PSMD14: variants seen among roughly 807,000 people sequenced by gnomAD.
PSMD14 encodes ubiquitin C-terminal hydrolase PSMD14.
In PSMD14, 7 loss-of-function variants were observed where a neutral mutation model predicts 41.2. The observed-to-expected ratio is 0.17, with a 90% confidence interval of 0.10 to 0.32. The LOEUF is 0.32. Among genes scored for constraint, PSMD14 ranks in the 10% least tolerant of loss-of-function variants. The pLI is 1.00. For synonymous variants in PSMD14, 114 were observed against 122.3 expected, an observed-to-expected ratio of 0.93 and a Z score of 0.45; for missense variants, 139 against 375.6, an observed-to-expected ratio of 0.37 and a Z score of 5.21.
chr2:161,316,932 A>C (rs911818876), intron 2 of PSMD14, among the ~76,000 whole-genome samples: 6 of 152,192 alleles, frequency 3.9e-5, no homozygotes, highest in Non-Finnish European at 7.3e-5. Flanking sequence ...CAGAAACAAC[A>C]CAGAGGGATA....
intron 7 of PSMD14, among the ~76,000 whole-genome samples, chr2:161,372,630 CT>C (rs141518366): frequency 0.014 from 2,137 of 151,642 alleles, 45 homozygotes; most frequent in African/African-American, 0.048. Flanking sequence ...AATTTATTTA[CT>C]TTTTTTTAAC....
intron 1 of PSMD14, among the ~76,000 whole-genome samples, chr2:161,312,971 G>A (rs7605885): frequency 0.048 from 7,257 of 152,330 alleles, 257 homozygotes; most frequent in Middle Eastern, 0.075. Flanking sequence ...GGTTGCCAAT[G>A]ACAGTAGCTA....
intron 3 of PSMD14, among the ~76,000 whole-genome samples, chr2:161,329,440 C>G (rs974818297): frequency 2.6e-5 from 4 of 151,918 alleles, no homozygotes; most frequent in Non-Finnish European, 5.9e-5. Context: ...TCTTTATATT[C>G]TTTGAATTAT....
At chr2:161,344,782 T>A (rs1181751663) in intron 3 of PSMD14, among the ~76,000 whole-genome samples, 1 of 152,250 alleles carries the variant, frequency 6.6e-6, no homozygotes, top group Non-Finnish European at 1.5e-5. Flanking sequence ...GAGTTCTTTT[T>A]ATCTGTGGAC....
intron 8 of PSMD14, among the ~76,000 whole-genome samples, chr2:161,390,399 A>C (rs1271480641): frequency 6.6e-6 from 1 of 152,078 alleles, no homozygotes. Context: ...TGAACACTTG[A>C]TGTTGTCAGA....
intron 1 of PSMD14, among the ~76,000 whole-genome samples, chr2:161,312,697 T>A (rs1323051446): frequency 6.6e-6 from 1 of 152,260 alleles, no homozygotes; most frequent in Non-Finnish European, 1.5e-5. Context: ...AGCTTTTGAG[T>A]CTTCTACTTT....
At chr2:161,341,360 AC>A (rs1682958901) in intron 3 of PSMD14, 1 of 982,126 alleles carries the variant, frequency 1.0e-6, no homozygotes, top group African/African-American at 1.8e-5. Flanking sequence ...GCCAGCTGCG[AC>A]CCCGAGGGAT....
intron 7 of PSMD14, among the ~76,000 whole-genome samples, chr2:161,379,979 G>T (rs1259720416): frequency 9.9e-5 from 15 of 152,048 alleles, no homozygotes; most frequent in Admixed American, 9.8e-4. Flanking sequence ...AGAGCCAAAG[G>T]TGTAAAAGCT....
intron 9 of PSMD14, among the ~76,000 whole-genome samples, chr2:161,391,834 A>G (rs975875961): frequency 1.3e-5 from 2 of 152,112 alleles, no homozygotes; most frequent in Non-Finnish European, 2.9e-5. Context: ...CCTGTGCTCA[A>G]GTGATCCTCT....
chr2:161,393,910 G>A (rs1440063654), intron 9 of PSMD14, among the ~76,000 whole-genome samples: 1 of 149,766 alleles, frequency 6.7e-6, no homozygotes, highest in African/African-American at 2.5e-5. Context: ...AAGGTGTTTA[G>A]TTTCATGATC....
chr2:161,374,683 A>C (rs1172007576), intron 7 of PSMD14, among the ~76,000 whole-genome samples: 1 of 151,838 alleles, frequency 6.6e-6, no homozygotes. Flanking sequence ...CACAGTGGGG[A>C]CCTCCTGCTG....
chr2:161,386,228 A>G (rs1161853375), intron 8 of PSMD14, among the ~76,000 whole-genome samples: 1 of 151,848 alleles, frequency 6.6e-6, no homozygotes, highest in Admixed American at 6.6e-5. Context: ...TGCAAAAATT[A>G]TTTTAAATGT....
chr2:161,341,983 AT>A (rs1167730513), intron 3 of PSMD14, among the ~76,000 whole-genome samples: 1 of 151,832 alleles, frequency 6.6e-6, no homozygotes, highest in African/African-American at 2.4e-5. Context: ...AAGTTTTATA[AT>A]TTTTAAATGT....
At position 161,395,128 on chromosome 2, in the gene PSMD14, G is replaced by T; in HGVS notation, c.696G>T (p.Gln232His). The change falls in exon 10 of 12, where the codon CAG becomes CAT. Residue 232 changes from glutamine (Q) to histidine (H), a missense_variant. This residue lies in a region of PSMD14 where 80 missense variants were observed against 138.1 expected (regional missense o/e 0.58). Transcript: ENST00000409682. ...GTTGGATGGAAGGTTTGACACTTCAGGACTACAGTGAACATTGTAAACACA... is the reference window on the plus strand; with the variant it reads ...GTTGGATGGAAGGTTTGACACTTCATGACTACAGTGAACATTGTAAACACA... ...KKSWMEGLTL[Q>H]DYSEHCKHNE... The T allele has an allele frequency of 6.3e-7, 1 of 1,598,854 alleles. No individual in the cohort carries two copies. Among genetic ancestry groups the T allele is most frequent in the Admixed American group, 1.7e-5 (1 of 57,850 alleles).
chr2:161,392,682 G>A (rs968842936), intron 9 of PSMD14, among the ~76,000 whole-genome samples: 22 of 152,088 alleles, frequency 1.4e-4, no homozygotes, highest in Non-Finnish European at 2.6e-4. Context: ...CCCCCTTGGC[G>A]CAAGGGGATC....
intron 3 of PSMD14, among the ~76,000 whole-genome samples, chr2:161,356,951 T>A (rs1683214367): frequency 6.6e-6 from 1 of 151,968 alleles, no homozygotes; most frequent in Non-Finnish European, 1.5e-5. Context: ...GCTAAATAAT[T>A]GATACCAGTT....
At chr2:161,405,142 T>C (rs1177084659) in intron 10 of PSMD14, among the ~76,000 whole-genome samples, 1 of 152,178 alleles carries the variant, frequency 6.6e-6, no homozygotes, top group Non-Finnish European at 1.5e-5. Flanking sequence ...CTAGGCATCG[T>C]GTAGGTTTGA....
At chr2:161,352,129 A>T (rs1358711481) in intron 3 of PSMD14, among the ~76,000 whole-genome samples, 1 of 152,232 alleles carries the variant, frequency 6.6e-6, no homozygotes, top group Admixed American at 6.5e-5. Flanking sequence ...AACTGGCTGG[A>T]CAAACTAACC....
chr2:161,351,534 C>T (rs1683117459), intron 3 of PSMD14, among the ~76,000 whole-genome samples: 1 of 152,108 alleles, frequency 6.6e-6, no homozygotes, highest in Non-Finnish European at 1.5e-5. Context: ...CCCTTTGCCC[C>T]CATTGTGTAT....
Sources: gnomAD v4.1 joint callset for allele counts (sites outside exome capture counted in the v4.1 genomes callset) on GRCh38, gnomAD v4.1.1 for gene constraint, gnomAD v4.1.1 regional missense constraint, MANE v1.5 for transcripts, NCBI Gene and HGNC (gene_info 2026-07-23, HGNC 2026-07-21) for gene names.